Variants in EBF1 observed in about 807,000 individuals in gnomAD.
The protein encoded by EBF1 is EBF transcription factor 1.
EBF1 carries 10 observed loss-of-function variants against 68.4 expected under a neutral mutation model. The ratio of observed to expected loss-of-function variants is 0.15; its 90% CI spans 0.09 to 0.25. The LOEUF (loss-of-function observed/expected upper bound fraction) is 0.25. Among genes scored for constraint, EBF1 ranks in the 10% least tolerant of loss-of-function variants. EBF1 has a pLI of 1.00. For synonymous variants in EBF1, 298 were observed against 299.8 expected, an observed-to-expected ratio of 0.99 and a Z score of 0.06; for missense variants, 509 against 794.4, an observed-to-expected ratio of 0.64 and a Z score of 4.32.
chr5:159,074,317 A>G (rs1184282849), intron 5 of EBF1, among the ~76,000 whole-genome samples: 1 of 152,192 alleles, frequency 6.6e-6, no homozygotes, highest in African/African-American at 2.4e-5. Context: ...TATGTTTTTG[A>G]AAAGTACAAT....
At chr5:158,907,476 G>C (rs973271698) in intron 6 of EBF1, among the ~76,000 whole-genome samples, 1 of 152,104 alleles carries the variant, frequency 6.6e-6, no homozygotes, top group African/African-American at 2.4e-5. Context: ...TTAACATCTA[G>C]GGTAATTCTA....
chr5:159,076,441 G>T (rs1474147823), intron 5 of EBF1, among the ~76,000 whole-genome samples: 1 of 152,084 alleles, frequency 6.6e-6, no homozygotes, highest in Non-Finnish European at 1.5e-5. Flanking sequence ...CTTAAGCACG[G>T]TCGTCATCTA....
intron 8 of EBF1, among the ~76,000 whole-genome samples, chr5:158,807,869 C>A (rs1450621447): frequency 6.6e-6 from 1 of 152,112 alleles, no homozygotes; most frequent in Non-Finnish European, 1.5e-5. Flanking sequence ...TTTAAGAAAA[C>A]CATGTTTTGA....
chr5:159,091,634 G>T (rs1160712249), intron 4 of EBF1, among the ~76,000 whole-genome samples: 1 of 152,216 alleles, frequency 6.6e-6, no homozygotes. Flanking sequence ...AACTGAAAGG[G>T]TTGTTAATCA....
intron 6 of EBF1, among the ~76,000 whole-genome samples, chr5:159,006,638 T>A (rs1456118794): frequency 1.3e-5 from 1 of 76,078 alleles, no homozygotes; most frequent in Non-Finnish European, 2.4e-5. Context: ...TAACCAATCA[T>A]AGCCATGTTA....
chr5:158,888,636 G>T (rs1157025729), intron 6 of EBF1, among the ~76,000 whole-genome samples: 1 of 152,068 alleles, frequency 6.6e-6, no homozygotes, highest in Non-Finnish European at 1.5e-5. Flanking sequence ...CCATGGAACT[G>T]GTACTGATAC....
At chr5:158,775,970 A>G (rs939513278) in intron 10 of EBF1, among the ~76,000 whole-genome samples, 1 of 152,186 alleles carries the variant, frequency 6.6e-6, no homozygotes, top group African/African-American at 2.4e-5. Flanking sequence ...GCCTACTTCT[A>G]TAAAGCATCA....
chr5:158,794,513 T>C (rs1485530343), intron 9 of EBF1, among the ~76,000 whole-genome samples: 1 of 152,172 alleles, frequency 6.6e-6, no homozygotes, highest in Non-Finnish European at 1.5e-5. Context: ...TTATTCCATA[T>C]TCAATGGAGT....
At chr5:159,027,213 T>C (rs1463631401) in intron 6 of EBF1, among the ~76,000 whole-genome samples, 1 of 152,182 alleles carries the variant, frequency 6.6e-6, no homozygotes, top group East Asian at 1.9e-4. Flanking sequence ...TGTAGACACA[T>C]GGACATTGTG....
intron 13 of EBF1, 152 bp from the exon 14 acceptor site, chr5:158,712,485 C>T: frequency 1.2e-6 from 1 of 805,158 alleles, no homozygotes; most frequent in East Asian, 2.7e-5. Context: ...GTTGGTGGTG[C>T]TAGCTCTGTG....
intron 10 of EBF1, among the ~76,000 whole-genome samples, chr5:158,739,846 C>T (rs1765935898): frequency 6.6e-6 from 1 of 152,196 alleles, no homozygotes; most frequent in African/African-American, 2.4e-5. Context: ...CTTATATCCC[C>T]ACCCCAGCAA....
chr5:159,034,276 T>A (rs996165587), intron 6 of EBF1, among the ~76,000 whole-genome samples: 1 of 152,194 alleles, frequency 6.6e-6, no homozygotes, highest in African/African-American at 2.4e-5. Flanking sequence ...ACAGCCCACA[T>A]TTCAATGAAT....
chr5:159,031,178 A>AAAAAG (rs60616351), intron 6 of EBF1, among the ~76,000 whole-genome samples: 73 of 152,222 alleles, frequency 4.8e-4, no homozygotes, highest in Non-Finnish European at 9.0e-4. Context: ...CGTCTCAAAA[A>AAAAAG]AAAAGAAAAG....
chr5:158,813,202 A>G (rs543118574), intron 8 of EBF1, among the ~76,000 whole-genome samples: 4 of 152,174 alleles, frequency 2.6e-5, no homozygotes, highest in Non-Finnish European at 5.9e-5. Flanking sequence ...GCCCTAAGCA[A>G]TAATAGCTGT....
chr5:159,085,217 G>C (rs1392384629), intron 4 of EBF1, among the ~76,000 whole-genome samples: 3 of 152,182 alleles, frequency 2.0e-5, no homozygotes, highest in African/African-American at 7.2e-5. Context: ...GAACTAAGGA[G>C]TCCATTCACT....
intron 6 of EBF1, among the ~76,000 whole-genome samples, chr5:158,845,478 T>C (rs1228785892): frequency 6.6e-6 from 1 of 152,170 alleles, no homozygotes; most frequent in African/African-American, 2.4e-5. Flanking sequence ...GAGAATTAAA[T>C]GAGTTAACAT....
chr5:158,970,802 A>G (rs1484629656), intron 6 of EBF1, among the ~76,000 whole-genome samples: 2 of 152,236 alleles, frequency 1.3e-5, no homozygotes, highest in Admixed American at 1.3e-4. Flanking sequence ...GACTCTTGGA[A>G]TTTGTAATTC....
chr5:159,040,335 T>C (rs1487745591), intron 6 of EBF1, among the ~76,000 whole-genome samples: 1 of 152,208 alleles, frequency 6.6e-6, no homozygotes, highest in Non-Finnish European at 1.5e-5. Flanking sequence ...TTGAAAGCAC[T>C]ATCTACTTTA....
At chr5:158,804,337 A>G (rs987310481) in intron 8 of EBF1, among the ~76,000 whole-genome samples, 3 of 152,010 alleles carry the variant, frequency 2.0e-5, no homozygotes, top group Non-Finnish European at 4.4e-5. Context: ...CTAAGCCCAA[A>G]TTATATTCTC....
Sources: gnomAD v4.1 joint callset for allele counts (sites outside exome capture counted in the v4.1 genomes callset) on GRCh38, gnomAD v4.1.1 for gene constraint, MANE v1.5 for transcripts, NCBI Gene and HGNC (gene_info 2026-07-23, HGNC 2026-07-21) for gene names.